The following ADAM23 variants were observed in gnomAD, a reference collection of about 807,000 sequenced individuals.
ADAM23 encodes ADAM metallopeptidase domain 23.
Under a neutral mutation model 120.1 loss-of-function variants are expected in ADAM23, and 33 were observed. The observed-to-expected ratio is 0.27, with a 90% confidence interval of 0.21 to 0.37. The LOEUF (loss-of-function observed/expected upper bound fraction) is 0.37, where lower values mean the gene tolerates loss of function less well. ADAM23 is among the 10% of genes least tolerant of loss of function. The pLI is 1.00. For missense variants in ADAM23, 862 were observed against 1,058.2 expected, an observed-to-expected ratio of 0.81 and a Z score of 2.57; for synonymous variants, 367 against 375.2, an observed-to-expected ratio of 0.98 and a Z score of 0.25.
intron 3 of ADAM23, among the ~76,000 whole-genome samples, chr2:206,530,669 C>CTTTTTT (rs56206262): frequency 2.2e-3 from 167 of 74,802 alleles, no homozygotes; most frequent in Non-Finnish European, 2.6e-3. Flanking sequence ...TGTGTCTTGT[C>CTTTTTT]TTTTTTTTTT....
intron 18 of ADAM23, among the ~76,000 whole-genome samples, chr2:206,582,560 A>G (rs1698240364): frequency 6.6e-6 from 1 of 152,086 alleles, no homozygotes; most frequent in Non-Finnish European, 1.5e-5. Flanking sequence ...AATGTGAGGT[A>G]CCATTGCTTT....
At chr2:206,541,917 T>A (rs953143466) in intron 4 of ADAM23, 135 bp from the exon 5 acceptor site, 1 of 827,008 alleles carries the variant, frequency 1.2e-6, no homozygotes, top group African/African-American at 1.7e-5. Context: ...CAACTTTATA[T>A]AGGAGGAGTT....
rs1698964029 is a variant in ADAM23, at chr2:206,617,822, C to T, written c.*195C>T. ...GGAAATAATGTCAAAGAACACCTTTCACCACCTGTCAGTAAACGGGGGAGG... is the reference window on the plus strand; with the variant it reads ...GGAAATAATGTCAAAGAACACCTTTTACCACCTGTCAGTAAACGGGGGAGG... On this transcript the variant is annotated 3_prime_UTR_variant, in exon 26 of 26. Coordinates refer to ENST00000264377, the MANE Select transcript of ADAM23 (RefSeq NM_003812.4). 1.7e-6 allele frequency: 2 copies of T among 1,191,196 alleles called. No individual in the cohort carries two copies. The highest frequency in any genetic ancestry group is 2.9e-5 in the East Asian group (1 of 34,756). 73.8% of individuals were successfully genotyped at this position (1,191,196 alleles called of 1,614,324 possible).
chr2:206,606,534 C>G (rs887110049), intron 24 of ADAM23: 1 of 152,098 alleles, frequency 6.6e-6, no homozygotes, highest in African/African-American at 2.4e-5. Flanking sequence ...ACCTGTATAA[C>G]CATAAGTGAA....
At chr2:206,585,185 G>A (rs187091525) in intron 18 of ADAM23, among the ~76,000 whole-genome samples, 6 of 152,266 alleles carry the variant, frequency 3.9e-5, no homozygotes, top group Non-Finnish European at 8.8e-5. Context: ...GCAGGCCTCC[G>A]CATGCTGCCC....
intron 3 of ADAM23, among the ~76,000 whole-genome samples, chr2:206,511,621 A>G (rs1357878482): frequency 6.6e-6 from 1 of 152,176 alleles, no homozygotes; most frequent in Non-Finnish European, 1.5e-5. Flanking sequence ...TCTGTGTGGC[A>G]AGCAGGCGTT....
At chr2:206,590,788 CAG>C (rs940664610) in intron 21 of ADAM23, among the ~76,000 whole-genome samples, 4 of 152,018 alleles carry the variant, frequency 2.6e-5, no homozygotes, top group Non-Finnish European at 4.4e-5. Context: ...CTCGAGGTGT[CAG>C]GGGATAGGAG....
intron 2 of ADAM23, among the ~76,000 whole-genome samples, chr2:206,451,501 A>C (rs1487846593): frequency 1.3e-5 from 2 of 152,202 alleles, no homozygotes; most frequent in Non-Finnish European, 2.9e-5. Context: ...TGGCCTCCCA[A>C]AGTTCTGGGA....
chr2:206,445,377 G>T lies in ADAM23; in HGVS notation c.285G>T (p.Gln95His), dbSNP rs746564560. The part of the protein sequence containing the change: ...VLADEDNTLQ[Q>H]NSSSNISYSN... The stretch of plus-strand genomic sequence containing the variant: ...CAGATGAAGACAATACATTGCAACA[G>T]AATAGCAGCAGTAATATCAGTTACA... Residue 95 changes from glutamine (Q) to histidine (H), a missense_variant, in exon 2 of 26, where the codon CAG becomes CAT. Gln to His is a conservative substitution (Grantham distance 24, BLOSUM62 0). Around this residue, in one of 4 missense-constraint regions of ADAM23, gnomAD observed 225 missense variants for 204.0 expected, o/e 1.10. Transcript: ENST00000264377. The T allele has an allele frequency of 1.5e-5, 25 of 1,613,882 alleles. No homozygotes were observed. Among genetic ancestry groups the T allele is most frequent in the Non-Finnish European group, 2.0e-5 (24 of 1,180,020 alleles).
At position 206,619,267 on chromosome 2, in the gene ADAM23, C is replaced by G. The variant is rs1181132213; in HGVS notation, c.*1640C>G. ...CAAATCCACATTGTTCTTCTCCCTC[C>G]AGCCAGATTTGCAGATGTAATCTGG... is the stretch of plus-strand genomic sequence containing the variant. On this transcript the variant is annotated 3_prime_UTR_variant, in exon 26 of 26. Transcript: ENST00000264377. The G allele has an allele frequency of 6.6e-6, 1 of 152,218 alleles. No individual in the cohort carries two copies. The highest frequency in any genetic ancestry group is 1.5e-5 in the Non-Finnish European group (1 of 68,036). The allele number at this position is 152,218 out of a possible 1,614,324, so 9.4% of individuals were successfully genotyped here.
At chr2:206,594,947 G>A (rs1364859678) in intron 23 of ADAM23, 42 bp downstream of exon 23, 3 of 1,606,902 alleles carry the variant, frequency 1.9e-6, no homozygotes, top group Non-Finnish European at 2.6e-6. Flanking sequence ...TTCATGGTCT[G>A]GCATGGTCAC....
intron 9 of ADAM23, among the ~76,000 whole-genome samples, chr2:206,557,023 G>T (rs1350717102): frequency 6.6e-6 from 1 of 152,044 alleles, no homozygotes; most frequent in Non-Finnish European, 1.5e-5. Context: ...TACTTTTTAG[G>T]TATAAAGCTT....
chr2:206,507,101 C>T (rs1441394437), intron 3 of ADAM23, among the ~76,000 whole-genome samples: 2 of 152,106 alleles, frequency 1.3e-5, no homozygotes, highest in Admixed American at 1.3e-4. Flanking sequence ...GATATAAATG[C>T]AGGGCTATTT....
At chr2:206,546,159 G>A (rs976098963) in intron 6 of ADAM23, among the ~76,000 whole-genome samples, 1 of 152,120 alleles carries the variant, frequency 6.6e-6, no homozygotes, top group South Asian at 2.1e-4. Flanking sequence ...CTTCCTTCCT[G>A]TTGCCTACCT....
At chr2:206,454,031 A>G (rs1348044784) in intron 2 of ADAM23, among the ~76,000 whole-genome samples, 2 of 152,274 alleles carry the variant, frequency 1.3e-5, no homozygotes, top group Admixed American at 6.5e-5. Context: ...TTCTCTGCTG[A>G]TAGGCACTAA....
chr2:206,577,834 C>T (rs548757728), intron 18 of ADAM23, among the ~76,000 whole-genome samples: 416 of 151,828 alleles, frequency 2.7e-3, no homozygotes, highest in Non-Finnish European at 5.2e-3. Context: ...TGAGGAATCA[C>T]CACACTGACT....
intron 3 of ADAM23, among the ~76,000 whole-genome samples, chr2:206,487,820 A>C (rs1338602357): frequency 6.6e-6 from 1 of 152,198 alleles, no homozygotes; most frequent in Non-Finnish European, 1.5e-5. Context: ...TGGTGATGTG[A>C]CATGTCTTTG....
chr2:206,597,956 A>C (rs1241380877), intron 24 of ADAM23, among the ~76,000 whole-genome samples: 1 of 152,216 alleles, frequency 6.6e-6, no homozygotes. Context: ...CATTTTATGC[A>C]TTTGCTTAAT....
intron 3 of ADAM23, among the ~76,000 whole-genome samples, chr2:206,495,306 C>G (rs1351906658): frequency 1.3e-5 from 2 of 151,764 alleles, no homozygotes; most frequent in African/African-American, 4.9e-5. Context: ...GATCTCTCGG[C>G]AGAAACTCTA....
Sources: allele counts gnomAD v4.1 joint callset (sites outside exome capture counted in the v4.1 genomes callset), GRCh38; gene constraint gnomAD v4.1.1; regional missense constraint gnomAD v4.1.1; transcripts MANE v1.5; gene names NCBI Gene and HGNC (gene_info 2026-07-23, HGNC 2026-07-21).